Variants in CSMD1 observed in about 807,000 individuals in gnomAD.
CSMD1 encodes CUB and sushi domain-containing protein 1.
Under a neutral mutation model 417.5 loss-of-function variants are expected in CSMD1, and 213 were observed. That is an observed-to-expected ratio of 0.51 (90% confidence interval 0.46 to 0.57). The LOEUF (loss-of-function observed/expected upper bound fraction) is 0.57. Ranked by LOEUF, CSMD1 falls within the 20% of genes least tolerant of loss-of-function variation. The pLI, the probability that CSMD1 is intolerant of heterozygous loss-of-function variation, is 0.00. For synonymous variants in CSMD1, 2,862 were observed against 1,736.8 expected (o/e 1.65, Z -16.11); for missense variants, 6,923 against 4,529.7 (o/e 1.53, Z -15.17).
intron 6 of CSMD1, among the ~76,000 whole-genome samples, chr8:3,709,473 G>A (rs777281724): frequency 2.6e-5 from 4 of 151,996 alleles, no homozygotes; most frequent in Admixed American, 6.6e-5. Context: ...CTCAGACATT[G>A]GGCCAGAGGA....
intron 2 of CSMD1, among the ~76,000 whole-genome samples, chr8:4,548,092 A>G (rs2130548897): frequency 6.6e-6 from 1 of 152,280 alleles, no homozygotes; most frequent in African/African-American, 2.4e-5. Flanking sequence ...AAGGAATTAC[A>G]GCTTGTTCTC....
intron 21 of CSMD1, among the ~76,000 whole-genome samples, chr8:3,354,891 C>A (rs34994794): frequency 0.58 from 82,576 of 141,512 alleles, 26,241 homozygotes; most frequent in Non-Finnish European, 0.68. Flanking sequence ...ATAGATATGT[C>A]TATCTATAGA....
chr8:4,313,399 G>A (rs536312596), intron 3 of CSMD1, among the ~76,000 whole-genome samples: 2 of 151,304 alleles, frequency 1.3e-5, no homozygotes, highest in East Asian at 2.0e-4. Context: ...TTGAGAATGC[G>A]TTTAGTGTGA....
At chr8:3,987,279 G>T (rs1029357836) in intron 5 of CSMD1, among the ~76,000 whole-genome samples, 1 of 152,128 alleles carries the variant, frequency 6.6e-6, no homozygotes, top group Non-Finnish European at 1.5e-5. Flanking sequence ...CAGTGTTTCT[G>T]TAACATGTTC....
intron 1 of CSMD1, among the ~76,000 whole-genome samples, chr8:4,962,659 A>G (rs1329252657): frequency 5.3e-5 from 8 of 152,298 alleles, no homozygotes; most frequent in Admixed American, 2.6e-4. Flanking sequence ...TATTCAGTGA[A>G]GAATACTGCA....
chr8:4,851,975 C>T (rs1052446964), intron 1 of CSMD1, among the ~76,000 whole-genome samples: 1 of 152,086 alleles, frequency 6.6e-6, no homozygotes. Context: ...AAGTTTTTTC[C>T]CTATAGATTT....
At chr8:3,423,051 G>T (rs559738366) in intron 12 of CSMD1, among the ~76,000 whole-genome samples, 2 of 152,194 alleles carry the variant, frequency 1.3e-5, no homozygotes, top group African/African-American at 2.4e-5. Context: ...TAGTCGAGTT[G>T]TACAGTCCTA....
chr8:3,406,259 C>G (rs1352334212), intron 14 of CSMD1, 38 bp from the exon 15 acceptor site: 1 of 1,499,352 alleles, frequency 6.7e-7, no homozygotes, highest in East Asian at 2.5e-5. Flanking sequence ...AATAAAAATA[C>G]TTGAGTATTA....
chr8:4,114,809 G>A (rs141836756), intron 3 of CSMD1, among the ~76,000 whole-genome samples: 88 of 152,278 alleles, frequency 5.8e-4, no homozygotes, highest in African/African-American at 1.9e-3. Flanking sequence ...TAGAAATAGC[G>A]AGAGGTAAAA....
intron 3 of CSMD1, among the ~76,000 whole-genome samples, chr8:4,042,569 T>C (rs141979750): frequency 2.0e-5 from 3 of 151,742 alleles, no homozygotes; most frequent in Non-Finnish European, 4.4e-5. Context: ...CAGCGGAAGG[T>C]AATAGCATAG....
chr8:3,395,077 T>C lies in CSMD1; in HGVS notation c.2593+1117A>G, dbSNP rs76134944. 9.8e-3 allele frequency among the ~76,000 whole-genome samples: 1,484 copies of C among 152,068 alleles called. 27 individuals carry two copies. Among genetic ancestry groups the C allele is most frequent in the African/African-American group, 0.033 (1,382 of 41,476 alleles). On this transcript the variant is annotated intron_variant, in intron 17 of 69. Transcript: ENST00000635120. ...CTCAGGGAGAGGGTAACAAGAGTAA[T>C]AGGAGGTGATGTGGGGAATGGAAGG... is the stretch of plus-strand genomic sequence containing the variant.
At chr8:3,747,361 T>A (rs542187840) in intron 6 of CSMD1, among the ~76,000 whole-genome samples, 3 of 148,814 alleles carry the variant, frequency 2.0e-5, no homozygotes, top group African/African-American at 7.6e-5. Flanking sequence ...TGGAAGAGAT[T>A]GTTCTGATCA....
chr8:4,442,905 G>C (rs1205475686), intron 2 of CSMD1, among the ~76,000 whole-genome samples: 1 of 152,104 alleles, frequency 6.6e-6, no homozygotes, highest in Non-Finnish European at 1.5e-5. Flanking sequence ...AGATGTTTAT[G>C]TTTATATAAA....
At chr8:4,032,164 G>A (rs974429688) in intron 3 of CSMD1, 65 bp from the exon 4 acceptor site, 12 of 1,161,984 alleles carry the variant, frequency 1.0e-5, no homozygotes, top group Admixed American at 9.2e-5. Context: ...CCACTTATAA[G>A]ATAAAACAGA....
intron 3 of CSMD1, among the ~76,000 whole-genome samples, chr8:4,341,753 A>C (rs889723307): frequency 6.6e-6 from 1 of 152,124 alleles, no homozygotes; most frequent in African/African-American, 2.4e-5. Flanking sequence ...GTTAGGGTGC[A>C]TTAATAATGG....
chr8:3,648,798 CG>C (rs1490872884), intron 7 of CSMD1, among the ~76,000 whole-genome samples: 9 of 151,326 alleles, frequency 5.9e-5, no homozygotes, highest in African/African-American at 2.2e-4. Flanking sequence ...TATCTTTACG[CG>C]GCACCCCTCT....
At chr8:4,201,444 A>T (rs1405007334) in intron 3 of CSMD1, among the ~76,000 whole-genome samples, 1 of 145,082 alleles carries the variant, frequency 6.9e-6, no homozygotes, top group Non-Finnish European at 1.5e-5. Context: ...AGGCTGAGGC[A>T]GGAGAATGGC....
At chr8:3,409,878 T>G (rs1812574380) in intron 12 of CSMD1, among the ~76,000 whole-genome samples, 1 of 152,236 alleles carries the variant, frequency 6.6e-6, no homozygotes, top group Non-Finnish European at 1.5e-5. Flanking sequence ...ATGCTGCAAT[T>G]AATCGGTGCA....
intron 2 of CSMD1, among the ~76,000 whole-genome samples, chr8:4,588,790 A>G (rs1247461874): frequency 6.6e-6 from 1 of 151,774 alleles, no homozygotes; most frequent in East Asian, 1.9e-4. Flanking sequence ...ACACACACAC[A>G]CACACACACA....
Sources: gnomAD v4.1 joint callset for allele counts (sites outside exome capture counted in the v4.1 genomes callset) on GRCh38, gnomAD v4.1.1 for gene constraint, MANE v1.5 for transcripts, NCBI Gene and HGNC (gene_info 2026-07-23, HGNC 2026-07-21) for gene names.